TTC28: variants seen among roughly 807,000 people sequenced by gnomAD.
TTC28 encodes the protein tetratricopeptide repeat domain 28, also known as tetratricopeptide repeat protein 28.
Under a neutral mutation model 198.0 loss-of-function variants are expected in TTC28, and 61 were observed. That is an observed-to-expected ratio of 0.31 (90% CI 0.25 to 0.38). TTC28 has a LOEUF of 0.38. TTC28 is among the 10% of genes least tolerant of loss of function. The pLI is 1.00. For missense variants in TTC28, 2,678 were observed against 3,164.0 expected, an observed-to-expected ratio of 0.85 and a Z score of 3.69; for synonymous variants, 1,171 against 1,297.8, an observed-to-expected ratio of 0.90 and a Z score of 2.10.
intron 12 of TTC28, among the ~76,000 whole-genome samples, chr22:28,047,746 T>C (rs1343768127): frequency 2.0e-5 from 3 of 152,184 alleles, no homozygotes; most frequent in Non-Finnish European, 4.4e-5. Flanking sequence ...CTCTTCTCCT[T>C]GGCAACAATG....
chr22:28,657,947 G>T (rs2051686647), intron 1 of TTC28, among the ~76,000 whole-genome samples: 1 of 152,004 alleles, frequency 6.6e-6, no homozygotes, highest in African/African-American at 2.4e-5. Context: ...ATTAAAAATG[G>T]TCCATGTTCC....
chr22:28,226,902 T>C (rs1235324323), intron 5 of TTC28, among the ~76,000 whole-genome samples: 1 of 152,034 alleles, frequency 6.6e-6, no homozygotes, highest in Non-Finnish European at 1.5e-5. Flanking sequence ...CTCCATTCTA[T>C]AGGACTATTC....
intron 7 of TTC28, 29 bp downstream of exon 7, chr22:28,107,033 A>C (rs1286445438): frequency 1.3e-6 from 2 of 1,523,484 alleles, no homozygotes; most frequent in South Asian, 2.5e-5. Flanking sequence ...GCAGAACTAT[A>C]AACCACAATT....
intron 12 of TTC28, among the ~76,000 whole-genome samples, chr22:28,066,345 G>A (rs553199516): frequency 1.4e-4 from 21 of 151,698 alleles, no homozygotes; most frequent in African/African-American, 4.6e-4. Flanking sequence ...GCATGTGTAG[G>A]ACACTTAAGA....
intron 5 of TTC28, among the ~76,000 whole-genome samples, chr22:28,262,109 A>G (rs1931362494): frequency 6.6e-6 from 1 of 152,102 alleles, no homozygotes; most frequent in Non-Finnish European, 1.5e-5. Flanking sequence ...CTCCAGTGAC[A>G]TAATAACAAA....
intron 2 of TTC28, among the ~76,000 whole-genome samples, chr22:28,557,932 G>A (rs913194455): frequency 1.3e-5 from 2 of 152,172 alleles, no homozygotes; most frequent in Non-Finnish European, 1.5e-5. Context: ...CCACTGCCAT[G>A]CTGATATAAA....
At chr22:27,989,199 C>T (rs1035343845) in intron 21 of TTC28, among the ~76,000 whole-genome samples, 5 of 151,730 alleles carry the variant, frequency 3.3e-5, no homozygotes, top group South Asian at 2.1e-4. Context: ...AAAGGGAAAT[C>T]GAGTGTCCTG....
chr22:28,454,130 C>A (rs1568953788), intron 2 of TTC28, among the ~76,000 whole-genome samples: 1 of 152,304 alleles, frequency 6.6e-6, no homozygotes, highest in East Asian at 1.9e-4. Context: ...CTATCCCTGA[C>A]CAAAATTAAC....
intron 2 of TTC28, among the ~76,000 whole-genome samples, chr22:28,625,896 T>A (rs1419697143): frequency 6.6e-6 from 1 of 152,142 alleles, no homozygotes; most frequent in Admixed American, 6.5e-5. Context: ...ACTTATATGG[T>A]CAAATGGTTT....
intron 1 of TTC28, among the ~76,000 whole-genome samples, chr22:28,647,981 T>C (rs6005829): frequency 0.044 from 6,620 of 151,834 alleles, 167 homozygotes; most frequent in African/African-American, 0.059. Flanking sequence ...TCCCAGCACT[T>C]TGGGAGGCCG....
intron 2 of TTC28, among the ~76,000 whole-genome samples, chr22:28,606,938 A>G (rs1032702748): frequency 6.6e-6 from 1 of 152,184 alleles, no homozygotes; most frequent in Non-Finnish European, 1.5e-5. Flanking sequence ...GCACCTAGGC[A>G]TATCAAGTAT....
chr22:28,469,679 T>A (rs1317956986), intron 2 of TTC28, among the ~76,000 whole-genome samples: 1 of 152,108 alleles, frequency 6.6e-6, no homozygotes, highest in Non-Finnish European at 1.5e-5. Flanking sequence ...CAGCTCTATA[T>A]AATGGAAAAG....
At chr22:28,385,255 C>CTTTTT (rs2046560980) in intron 2 of TTC28, among the ~76,000 whole-genome samples, 1 of 147,318 alleles carries the variant, frequency 6.8e-6, no homozygotes. Context: ...TTCTTTGAGA[C>CTTTTT]AGAGTCTCAC....
At chr22:28,210,261 C>G (rs1213746178) in intron 5 of TTC28, among the ~76,000 whole-genome samples, 1 of 152,140 alleles carries the variant, frequency 6.6e-6, no homozygotes, top group Non-Finnish European at 1.5e-5. Flanking sequence ...AGCTTCTCGC[C>G]AGCAATGGAA....
At chr22:28,568,557 T>C (rs1221676840) in intron 2 of TTC28, among the ~76,000 whole-genome samples, 4 of 152,292 alleles carry the variant, frequency 2.6e-5, no homozygotes, top group Admixed American at 2.0e-4. Context: ...AGCATTTCTA[T>C]ACACTAATAA....
chr22:28,623,604 A>T (rs2051034074), intron 2 of TTC28, among the ~76,000 whole-genome samples: 1 of 152,198 alleles, frequency 6.6e-6, no homozygotes, highest in South Asian at 2.1e-4. Context: ...TGTTCTTTCC[A>T]AGTGTTCATG....
At chr22:28,371,949 C>T (rs977558878) in intron 2 of TTC28, among the ~76,000 whole-genome samples, 5 of 151,168 alleles carry the variant, frequency 3.3e-5, no homozygotes, top group African/African-American at 1.2e-4. Flanking sequence ...ATTAGCCAGA[C>T]GTGGTGGTGT....
intron 2 of TTC28, among the ~76,000 whole-genome samples, chr22:28,474,490 G>A (rs2048136430): frequency 6.6e-6 from 1 of 152,150 alleles, no homozygotes; most frequent in Admixed American, 6.5e-5. Context: ...GGAAAACAAA[G>A]TTCTCTGGGC....
Position 27,989,933 on chromosome 22 carries a change from G to A in TTC28, c.5652C>T (p.Ser1884=), listed in dbSNP as rs997581255. Residue 1884 remains serine (S), a synonymous_variant, in exon 21 of 23, where the codon TCC becomes TCT. Coordinates refer to ENST00000397906, the MANE Select transcript of TTC28 (RefSeq NM_001145418.2). ...GGAGCCGCCACAGCTGGACGCTGATGGAGACCTGAATGGGAGCTGATGCCA... is the reference window on the plus strand; with the variant it reads ...GGAGCCGCCACAGCTGGACGCTGATAGAGACCTGAATGGGAGCTGATGCCA... The part of the protein sequence containing the change: ...QDLASAPIQV[S]ISVQLWRLPG... The A allele has an allele frequency of 5.8e-6, 9 of 1,551,442 alleles. No homozygotes were observed. The highest frequency in any genetic ancestry group is 1.2e-5 in the South Asian group (1 of 84,044).
Sources: gnomAD v4.1 joint callset for allele counts (sites outside exome capture counted in the v4.1 genomes callset) on GRCh38, gnomAD v4.1.1 for gene constraint, MANE v1.5 for transcripts, NCBI Gene and HGNC (gene_info 2026-07-23, HGNC 2026-07-21) for gene names.